ACOT1: variants seen among roughly 807,000 people sequenced by gnomAD.
ACOT1 encodes the protein acyl-CoA thioesterase 1, also known as acyl-coenzyme A thioesterase 1.
In ACOT1, 8 loss-of-function variants were observed where a neutral mutation model predicts 15.7. The ratio of observed to expected loss-of-function variants is 0.51; its 90% CI spans 0.30 to 0.92. The LOEUF (loss-of-function observed/expected upper bound fraction) is 0.92. Among genes scored for constraint, ACOT1 ranks in the 40% least tolerant of loss-of-function variants. ACOT1 has a pLI of 0.06. For synonymous variants in ACOT1, 67 were observed against 241.2 expected (o/e 0.28, Z 6.69); for missense variants, 151 against 539.4 (o/e 0.28, Z 7.13).
At chr14:73,524,310 A>AAATATATATATATATAT in the ACOT1 span, among the ~76,000 whole-genome samples, 2 of 54,774 alleles carry the variant, frequency 3.7e-5, no homozygotes, top group African/African-American at 1.8e-4. Context: ...AAAAAAAAAA[A>AAATATATATATATATAT]ATATATATAT....
chr14:73,513,435 T>C, the ACOT1 span, among the ~76,000 whole-genome samples: 399 of 142,362 alleles, frequency 2.8e-3, no homozygotes, highest in Non-Finnish European at 4.5e-3. Context: ...CACTCCGGCC[T>C]GGGCAACAGA....
the ACOT1 span, chr14:73,490,955 T>G: frequency 7.8e-7 from 1 of 1,288,756 alleles, no homozygotes; most frequent in Non-Finnish European, 9.9e-7. Context: ...AGCCGCTGCA[T>G]TCAGGAACCG....
At chr14:73,524,310 A>AAAAAAAAAAAAAAATATATATAT in the ACOT1 span, among the ~76,000 whole-genome samples, 1 of 54,788 alleles carries the variant, frequency 1.8e-5, no homozygotes, top group African/African-American at 8.8e-5. Context: ...AAAAAAAAAA[A>AAAAAAAAAAAAAAATATATATAT]ATATATATAT....
the ACOT1 span, chr14:73,500,487 C>CAGGGAAGGT: frequency 1.1e-5 from 16 of 1,518,352 alleles, no homozygotes; most frequent in African/African-American, 1.9e-4. Flanking sequence ...TGTGCACAAC[C>CAGGGAAGGT]AGGGAAGGTA....
At chr14:73,523,770 C>T in the ACOT1 span, among the ~76,000 whole-genome samples, 1 of 152,172 alleles carries the variant, frequency 6.6e-6, no homozygotes. Context: ...TCAATTTGTG[C>T]TGCTCCATAA....
At chr14:73,505,885 C>T in the ACOT1 span, among the ~76,000 whole-genome samples, 1 of 134,852 alleles carries the variant, frequency 7.4e-6, no homozygotes, top group Non-Finnish European at 1.6e-5. Flanking sequence ...TTACTATAAA[C>T]GTTTCTTTTT....
the ACOT1 span, among the ~76,000 whole-genome samples, chr14:73,511,678 T>C: frequency 6.6e-6 from 1 of 152,042 alleles, no homozygotes; most frequent in Middle Eastern, 3.2e-3. Context: ...AGTTCAAGAC[T>C]AGCCTGGTCA....
At chr14:73,493,173 G>T in the ACOT1 span, 1 of 1,490,342 alleles carries the variant, frequency 6.7e-7, no homozygotes, top group South Asian at 1.1e-5. Context: ...AAAAACCCTT[G>T]ATCCGTGATC....
the ACOT1 span, among the ~76,000 whole-genome samples, chr14:73,527,695 G>C: frequency 6.6e-6 from 1 of 152,002 alleles, no homozygotes; most frequent in African/African-American, 2.4e-5. Flanking sequence ...TACACAGTCA[G>C]GGCCAGGCAG....
chr14:73,492,497 G>A, the ACOT1 span: 2 of 1,613,704 alleles, frequency 1.2e-6, no homozygotes, highest in South Asian at 2.2e-5. The surrounding 1 kb of genome is among the most constrained non-coding windows in gnomAD (Gnocchi z 4.9). Context: ...CTTTGCTCCT[G>A]TTGATGCTGT....
chr14:73,500,561 G>A, the ACOT1 span: 563 of 1,612,696 alleles, frequency 3.5e-4, 4 homozygotes, highest in Non-Finnish European at 1.1e-4. Flanking sequence ...ATCTTGTCGC[G>A]GATCTGCAGG....
the ACOT1 span, chr14:73,522,294 G>T: frequency 1.2e-6 from 2 of 1,614,080 alleles, no homozygotes. Flanking sequence ...GGAAGCAGCA[G>T]TTCTGGCTTC....
At chr14:73,502,634 G>A in the ACOT1 span, among the ~76,000 whole-genome samples, 1 of 151,838 alleles carries the variant, frequency 6.6e-6, no homozygotes, top group African/African-American at 2.4e-5. Context: ...TGCAACCTCC[G>A]CCTCCCAGGT....
chr14:73,514,070 G>A, the ACOT1 span: 11 of 1,613,964 alleles, frequency 6.8e-6, no homozygotes, highest in Admixed American at 3.3e-5. Flanking sequence ...AGCATCCTCC[G>A]CAGGACCACC....
At chr14:73,493,233 C>G in the ACOT1 span, 1 of 855,872 alleles carries the variant, frequency 1.2e-6, no homozygotes. Context: ...TACTGGGTAA[C>G]ACTGACCATG....
the ACOT1 span, chr14:73,523,117 G>C: frequency 1.2e-6 from 2 of 1,606,454 alleles, no homozygotes; most frequent in Non-Finnish European, 1.7e-6. Flanking sequence ...AGAAGCAATG[G>C]GGGAGAAAGG....
At chr14:73,531,423 CTTTTT>C in the ACOT1 span, among the ~76,000 whole-genome samples, 1 of 93,578 alleles carries the variant, frequency 1.1e-5, no homozygotes, top group Non-Finnish European at 2.3e-5. Context: ...AGTTTTTCGT[CTTTTT>C]TTTTTTTTTT....
chr14:73,525,083 G>A, the ACOT1 span, among the ~76,000 whole-genome samples: 1 of 152,108 alleles, frequency 6.6e-6, no homozygotes, highest in Admixed American at 6.5e-5. Context: ...CTGGAGTGCA[G>A]CACTGGCACG....
chr14:73,537,397 C>T lies in ACOT1; in HGVS notation c.-25C>T. 3 of 1,234,020 alleles carry T rather than the reference C, an allele frequency of 2.4e-6. 1 individual carries two copies. The highest frequency in any genetic ancestry group is 2.6e-5 in the Admixed American group (1 of 38,718). 76.4% of individuals were successfully genotyped at this position (1,234,020 alleles called of 1,614,324 possible). Reference sequence around the variant, plus strand: ...GGTCTCCACAGCTGAGGCAGTTTGGCCGGATTATTTGGGTTCCTGCTCGGA... The same window carrying T: ...GGTCTCCACAGCTGAGGCAGTTTGGTCGGATTATTTGGGTTCCTGCTCGGA... On this transcript the variant is annotated 5_prime_UTR_variant, in exon 1 of 3. Transcript: ENST00000311148.
Sources: allele counts gnomAD v4.1 joint callset (sites outside exome capture counted in the v4.1 genomes callset), GRCh38; gene constraint gnomAD v4.1.1; non-coding constraint Gnocchi (gnomAD v3.1); transcripts MANE v1.5; gene names NCBI Gene and HGNC (gene_info 2026-07-23, HGNC 2026-07-21).